Variants in RELN observed in about 807,000 individuals in gnomAD.
RELN encodes the protein reelin.
Under a neutral mutation model 427.6 loss-of-function variants are expected in RELN, and 108 were observed. That is an observed-to-expected ratio of 0.25 (90% CI 0.22 to 0.30). RELN has a LOEUF of 0.30. Ranked by LOEUF, RELN falls within the 10% of genes least tolerant of loss-of-function variation. The pLI, the probability that RELN is intolerant of heterozygous loss-of-function variation, is 1.00. For missense variants in RELN, 3,715 were observed against 4,302.8 expected (o/e 0.86, Z 3.82); for synonymous variants, 1,524 against 1,513.4 (o/e 1.01, Z -0.16).
In RELN at chr7:103,626,278, T is replaced by C. The variant is rs985544523; in HGVS notation, c.2702+3662A>G. Among the ~76,000 whole-genome samples, 3 of 152,122 alleles carry C rather than the reference T, an allele frequency of 2.0e-5. No individual in the cohort carries two copies. The highest frequency in any genetic ancestry group is 7.2e-5 in the African/African-American group (3 of 41,450). On this transcript the variant is annotated intron_variant, in intron 20 of 64. Coordinates refer to ENST00000428762, the MANE Select transcript of RELN (RefSeq NM_005045.4). This position sits in a 1 kb window ranked among gnomAD's most constrained non-coding sequence, Gnocchi z 4.4. Reference sequence around the variant, plus strand: ...AGGCCTACGACCTCAAAGCCTATGTTTCTACCACACCATATTTCCTAAAAA... The same window carrying C: ...AGGCCTACGACCTCAAAGCCTATGTCTCTACCACACCATATTTCCTAAAAA...
At chr7:103,506,578 G>C (rs1379166368) in intron 51 of RELN, among the ~76,000 whole-genome samples, 6 of 152,098 alleles carry the variant, frequency 3.9e-5, no homozygotes, top group African/African-American at 1.2e-4. Context: ...ACATGGAAAG[G>C]AACAACCAGT....
intron 3 of RELN, among the ~76,000 whole-genome samples, chr7:103,817,392 T>G (rs759660361): frequency 1.1e-4 from 17 of 152,168 alleles, no homozygotes; most frequent in Non-Finnish European, 2.1e-4. Context: ...AGGATCTAAA[T>G]ATGTGGCCAG....
At chr7:103,922,853 C>G (rs1795646091) in intron 1 of RELN, among the ~76,000 whole-genome samples, 1 of 152,016 alleles carries the variant, frequency 6.6e-6, no homozygotes, top group Non-Finnish European at 1.5e-5. Flanking sequence ...CCAGCATATT[C>G]CATTACTACT....
At chr7:103,666,998 A>G (rs1833281915) in intron 11 of RELN, among the ~76,000 whole-genome samples, 1 of 152,298 alleles carries the variant, frequency 6.6e-6, no homozygotes, top group South Asian at 2.1e-4. Context: ...TCCATCCTGA[A>G]CTGCCTAAGT....
chr7:103,789,183 A>C (rs1792096895), intron 3 of RELN, among the ~76,000 whole-genome samples: 1 of 152,208 alleles, frequency 6.6e-6, no homozygotes, highest in African/African-American at 2.4e-5. Flanking sequence ...TTACACAAAA[A>C]TTAACTCAAG....
At chr7:103,745,898 C>A (rs930879901) in intron 6 of RELN, among the ~76,000 whole-genome samples, 1 of 152,162 alleles carries the variant, frequency 6.6e-6, no homozygotes, top group African/African-American at 2.4e-5. Flanking sequence ...ACTTTCTTCA[C>A]AGAACTGGAA....
chr7:103,921,665 A>G (rs756435), intron 1 of RELN, among the ~76,000 whole-genome samples: 23,233 of 152,106 alleles, frequency 0.15, 3,967 homozygotes, highest in African/African-American at 0.41. Flanking sequence ...CCTAATGTCC[A>G]TAGATTAAAA....
At chr7:103,520,997 T>G in intron 48 of RELN, among the ~76,000 whole-genome samples, 1 of 117,436 alleles carries the variant, frequency 8.5e-6, no homozygotes, top group African/African-American at 3.3e-5. Context: ...TGAGACGGAG[T>G]CTCGCTCTGT....
At position 103,545,383 on chromosome 7, in the gene RELN, GAAC is replaced by G. The variant is rs74440147; in HGVS notation, c.6303-42_6303-40del. On this transcript the variant is annotated intron_variant, in intron 41 of 64. Transcript: ENST00000428762. ...CAAGTCTTTCAAAAGCTAATCAACA[GAAC>G]AATATACCTTCAAAGTATGCACATC... The G allele has an allele frequency of 0.055, 74,582 of 1,365,472 alleles. 2,762 individuals carry two copies. The highest frequency in any genetic ancestry group is 0.14 in the South Asian group (11,727 of 85,482). 84.6% of individuals were successfully genotyped at this position (1,365,472 alleles called of 1,614,324 possible). A position where few individuals can be genotyped will look rare whatever the true frequency, so the allele number is the denominator to read the frequency against.
intron 8 of RELN, among the ~76,000 whole-genome samples, chr7:103,708,943 C>T (rs1470261050): frequency 2.0e-5 from 3 of 152,038 alleles, no homozygotes; most frequent in Admixed American, 2.0e-4. Context: ...TGACAGTTGC[C>T]TCCTCTCACC....
At chr7:103,607,777 A>G (rs1314245339) in intron 22 of RELN, among the ~76,000 whole-genome samples, 1 of 152,212 alleles carries the variant, frequency 6.6e-6, no homozygotes, top group East Asian at 1.9e-4. Flanking sequence ...GAGTTCCTGT[A>G]ATTACATTTA....
intron 10 of RELN, among the ~76,000 whole-genome samples, chr7:103,692,551 A>G (rs1192662222): frequency 6.6e-6 from 1 of 152,076 alleles, no homozygotes; most frequent in Non-Finnish European, 1.5e-5. Flanking sequence ...TTTCTACTGC[A>G]GGAGACCTAC....
chr7:103,625,770 C>T (rs1832316169), intron 20 of RELN, among the ~76,000 whole-genome samples: 1 of 151,904 alleles, frequency 6.6e-6, no homozygotes, highest in African/African-American at 2.4e-5. Context: ...AAATAAATTT[C>T]CTTGAATATG....
intron 59 of RELN, 90 bp from the exon 60 acceptor site, chr7:103,489,989 T>G (rs1828593852): frequency 2.7e-6 from 4 of 1,502,888 alleles, no homozygotes; most frequent in East Asian, 4.5e-5. Context: ...AGGGGACTAT[T>G]TGTGAGAAAA....
chr7:103,726,783 G>A (rs1172128439), intron 7 of RELN, among the ~76,000 whole-genome samples: 1 of 152,094 alleles, frequency 6.6e-6, no homozygotes, highest in Admixed American at 6.5e-5. Context: ...AAGGTTTATA[G>A]ATAATTAATT....
chr7:103,629,343 G>T (rs17153808), intron 20 of RELN, among the ~76,000 whole-genome samples: 1 of 151,886 alleles, frequency 6.6e-6, no homozygotes, highest in East Asian at 1.9e-4. Context: ...AAAAATGAAG[G>T]GTAACTTAAT....
intron 51 of RELN, among the ~76,000 whole-genome samples, chr7:103,505,188 G>A (rs1051260803): frequency 3.3e-5 from 5 of 152,178 alleles, no homozygotes; most frequent in East Asian, 3.8e-4. Flanking sequence ...AGAGAGCAGC[G>A]GTTCTCTCAG....
chr7:103,506,232 GAGA>G (rs1829205201), intron 51 of RELN, among the ~76,000 whole-genome samples: 1 of 151,652 alleles, frequency 6.6e-6, no homozygotes, highest in African/African-American at 2.4e-5. Flanking sequence ...AGGAAATACA[GAGA>G]ACGCCACAAA....
chr7:103,869,839 T>C (rs1794286260), intron 2 of RELN, among the ~76,000 whole-genome samples: 1 of 152,170 alleles, frequency 6.6e-6, no homozygotes, highest in South Asian at 2.1e-4. Flanking sequence ...TATCTGTATA[T>C]CCAACTTTAA....
Sources: allele counts gnomAD v4.1 joint callset (sites outside exome capture counted in the v4.1 genomes callset), GRCh38; gene constraint gnomAD v4.1.1; non-coding constraint Gnocchi (gnomAD v3.1); transcripts MANE v1.5; gene names NCBI Gene and HGNC (gene_info 2026-07-23, HGNC 2026-07-21).